ZFPM2: variants seen among roughly 807,000 people sequenced by gnomAD.
The protein encoded by ZFPM2 is zinc finger protein, FOG family member 2.
Under a neutral mutation model 98.6 loss-of-function variants are expected in ZFPM2, and 20 were observed. That is an observed-to-expected ratio of 0.20 (90% CI 0.14 to 0.29). The LOEUF is 0.29. Ranked by LOEUF, ZFPM2 falls within the 10% of genes least tolerant of loss-of-function variation. The pLI, the probability that ZFPM2 is intolerant of heterozygous loss-of-function variation, is 1.00. For missense variants in ZFPM2, 1,310 were observed against 1,388.6 expected (o/e 0.94, Z 0.90); for synonymous variants, 518 against 502.7 (o/e 1.03, Z -0.41).
intron 1 of ZFPM2, among the ~76,000 whole-genome samples, chr8:105,381,390 T>C (rs1308361848): frequency 6.6e-6 from 1 of 152,028 alleles, no homozygotes; most frequent in African/African-American, 2.4e-5. Context: ...TCTTCTTGAT[T>C]GATAGTTAAG....
At position 105,523,422 on chromosome 8, in the gene ZFPM2, T is replaced by C. The variant is rs568559153; in HGVS notation, c.302-37941T>C. On this transcript the variant is annotated intron_variant, in intron 3 of 7. Transcript: ENST00000407775. ...CTGGTCTTCCATACTGTGTTAGCAA[T>C]TCTGCAGCCACACTGCTCGCCCTGC... Among the ~76,000 whole-genome samples the C allele has an allele frequency of 5.9e-5, 9 of 152,334 alleles. No individual in the cohort carries two copies. The East Asian group carries it at 1.7e-3, about 29-fold the overall frequency.
intron 1 of ZFPM2, among the ~76,000 whole-genome samples, chr8:105,369,433 C>G (rs1406972852): frequency 1.3e-5 from 2 of 151,966 alleles, no homozygotes; most frequent in Admixed American, 6.6e-5. Context: ...ACTATGGTCT[C>G]AAAGCTTTAA....
intron 1 of ZFPM2, among the ~76,000 whole-genome samples, chr8:105,352,142 T>C (rs755825774): frequency 1.9e-4 from 29 of 152,220 alleles, no homozygotes; most frequent in Non-Finnish European, 3.5e-4. Flanking sequence ...CTAAACTTCA[T>C]GCATCTTACG....
At chr8:105,587,585 T>C (rs1815750760) in intron 4 of ZFPM2, among the ~76,000 whole-genome samples, 1 of 152,136 alleles carries the variant, frequency 6.6e-6, no homozygotes, top group Non-Finnish European at 1.5e-5. Context: ...CACAACATAA[T>C]CCAAAAAGAA....
At chr8:105,744,471 T>A (rs1013054526) in intron 5 of ZFPM2, among the ~76,000 whole-genome samples, 1 of 152,074 alleles carries the variant, frequency 6.6e-6, no homozygotes. Flanking sequence ...TAGAATTAAA[T>A]CCCTGTTGAC....
At chr8:105,686,710 T>G (rs1461760546) in intron 5 of ZFPM2, among the ~76,000 whole-genome samples, 1 of 152,204 alleles carries the variant, frequency 6.6e-6, no homozygotes, top group Non-Finnish European at 1.5e-5. Context: ...TTATAAAGTT[T>G]TAACATTCAT....
At chr8:105,723,566 G>A (rs1459939268) in intron 5 of ZFPM2, among the ~76,000 whole-genome samples, 3 of 151,764 alleles carry the variant, frequency 2.0e-5, no homozygotes, top group South Asian at 2.1e-4. Context: ...GGCAAGATAC[G>A]TCCTGACATC....
chr8:105,437,559 G>A (rs1003771748), intron 2 of ZFPM2, among the ~76,000 whole-genome samples: 2 of 152,166 alleles, frequency 1.3e-5, no homozygotes, highest in African/African-American at 4.8e-5. Flanking sequence ...ATGAAGGAAA[G>A]GACTTCACTC....
At chr8:105,622,590 C>T (rs1816574502) in intron 4 of ZFPM2, among the ~76,000 whole-genome samples, 1 of 152,122 alleles carries the variant, frequency 6.6e-6, no homozygotes, top group South Asian at 2.1e-4. Context: ...TAGCATGCTC[C>T]ATTAGTTGCC....
chr8:105,498,207 C>T (rs1813515561), intron 3 of ZFPM2, among the ~76,000 whole-genome samples: 1 of 151,902 alleles, frequency 6.6e-6, no homozygotes, highest in Admixed American at 6.6e-5. Context: ...AAAACAAGAA[C>T]AAAAACAATA....
chr8:105,437,134 AATGTGATATAT>A (rs1387544581), intron 2 of ZFPM2, among the ~76,000 whole-genome samples: 1 of 152,110 alleles, frequency 6.6e-6, no homozygotes, highest in Non-Finnish European at 1.5e-5. Context: ...TTTTTTTATT[AATGTGATATAT>A]ATTGCATACC....
At chr8:105,653,474 T>A (rs1817220487) in intron 5 of ZFPM2, among the ~76,000 whole-genome samples, 2 of 152,224 alleles carry the variant, frequency 1.3e-5, no homozygotes, top group Admixed American at 1.3e-4. Context: ...TTGACTAATG[T>A]CTTACTACTT....
chr8:105,640,022 T>C (rs766571549), intron 5 of ZFPM2, among the ~76,000 whole-genome samples: 2 of 152,078 alleles, frequency 1.3e-5, no homozygotes, highest in Non-Finnish European at 2.9e-5. Flanking sequence ...TATTAATCTT[T>C]GTTCTATTCT....
intron 5 of ZFPM2, among the ~76,000 whole-genome samples, chr8:105,706,985 A>C (rs545228937): frequency 6.6e-6 from 1 of 152,274 alleles, no homozygotes; most frequent in East Asian, 1.9e-4. Flanking sequence ...TCATGGCTGT[A>C]ATCCCAGGAC....
At chr8:105,571,225 A>C (rs1815348399) in intron 4 of ZFPM2, among the ~76,000 whole-genome samples, 1 of 152,168 alleles carries the variant, frequency 6.6e-6, no homozygotes, top group African/African-American at 2.4e-5. Context: ...GAATTTTCTT[A>C]ATGCAGATTT....
chr8:105,617,013 C>CT (rs1439128515), intron 4 of ZFPM2, among the ~76,000 whole-genome samples: 1 of 72,958 alleles, frequency 1.4e-5, no homozygotes. Context: ...GAGCAAGACT[C>CT]TGTCTCGAAA....
At chr8:105,635,654 A>G (rs2130842172) in intron 5 of ZFPM2, among the ~76,000 whole-genome samples, 1 of 152,310 alleles carries the variant, frequency 6.6e-6, no homozygotes, top group South Asian at 2.1e-4. Context: ...TGGTATAGGG[A>G]ATCAGTTTAC....
intron 4 of ZFPM2, among the ~76,000 whole-genome samples, chr8:105,602,852 C>T (rs923494277): frequency 1.3e-5 from 2 of 152,036 alleles, no homozygotes; most frequent in Admixed American, 6.6e-5. Flanking sequence ...CAGAGGCATT[C>T]ATGTCTTTCT....
At chr8:105,750,629 C>G (rs1205740653) in intron 5 of ZFPM2, among the ~76,000 whole-genome samples, 1 of 152,012 alleles carries the variant, frequency 6.6e-6, no homozygotes, top group Non-Finnish European at 1.5e-5. Flanking sequence ...TCCATGTACT[C>G]TGTATGTCTG....
Sources: gnomAD v4.1 joint callset for allele counts (sites outside exome capture counted in the v4.1 genomes callset) on GRCh38, gnomAD v4.1.1 for gene constraint, MANE v1.5 for transcripts, NCBI Gene and HGNC (gene_info 2026-07-23, HGNC 2026-07-21) for gene names.